The following PCDHGA2 variants were observed in gnomAD, a reference collection of about 807,000 sequenced individuals.
PCDHGA2 encodes the protein protocadherin gamma-A2.
A neutral mutation model predicts 59.2 loss-of-function variants in PCDHGA2; 40 were observed. That is an observed-to-expected ratio of 0.68 (90% CI 0.52 to 0.88). The LOEUF is 0.88. Ranked by LOEUF, PCDHGA2 falls within the 40% of genes least tolerant of loss-of-function variation. The probability of loss-of-function intolerance (pLI) is 0.00; values close to 1 mark genes in which losing one functional copy is unlikely to be tolerated. For missense variants in PCDHGA2, 1,226 were observed against 1,204.0 expected (o/e 1.02, Z -0.27); for synonymous variants, 560 against 526.0 (o/e 1.06, Z -0.89).
intron 1 of PCDHGA2, chr5:141,383,556 C>G: frequency 6.2e-7 from 1 of 1,612,766 alleles, no homozygotes; most frequent in Non-Finnish European, 8.5e-7. Flanking sequence ...ATGGCGGCGA[C>G]CCGCCCCGAT....
intron 1 of PCDHGA2, chr5:141,352,671 T>C: frequency 6.3e-7 from 1 of 1,579,386 alleles, no homozygotes; most frequent in Non-Finnish European, 8.6e-7. Context: ...TCTTCGCACG[T>C]GAGTTTCTGC....
chr5:141,464,260 G>A (rs546781463), intron 1 of PCDHGA2, among the ~76,000 whole-genome samples: 1 of 131,668 alleles, frequency 7.6e-6, no homozygotes, highest in Non-Finnish European at 1.6e-5. Flanking sequence ...GCGAGACTCC[G>A]TCTAAAAAAA....
chr5:141,386,400 A>G (rs1180278109), intron 1 of PCDHGA2, among the ~76,000 whole-genome samples: 1 of 152,176 alleles, frequency 6.6e-6, no homozygotes, highest in Non-Finnish European at 1.5e-5. Flanking sequence ...ACTTTTAGCC[A>G]GGTATGGTGT....
At chr5:141,356,780 A>T in intron 1 of PCDHGA2, 1 of 1,613,938 alleles carries the variant, frequency 6.2e-7, no homozygotes, top group Non-Finnish European at 8.5e-7. Flanking sequence ...CAGTTTAGAG[A>T]CCTGCAGCTG....
At position 141,370,360 on chromosome 5, in the gene PCDHGA2, C is replaced by T. The variant is rs775816151; in HGVS notation, c.2424+28965C>T. 2.2e-5 allele frequency: 34 copies of T among 1,516,792 alleles called. No homozygotes were observed. In the South Asian group the frequency reaches 4.3e-4, roughly 19 times the overall value. The allele number at this position is 1,516,792 out of a possible 1,614,324, so 94.0% of individuals were successfully genotyped here. Reference sequence around the variant, plus strand: ...TGGGATTATTTAAAGATCTCCTCTCCTCGGATTTAGAAAGGCAAAGGCGCA... The same window carrying T: ...TGGGATTATTTAAAGATCTCCTCTCTTCGGATTTAGAAAGGCAAAGGCGCA... On this transcript the variant is annotated intron_variant, in intron 1 of 3. Transcript: ENST00000394576.
At position 141,355,934 on chromosome 5, in the gene PCDHGA2, C is replaced by T. The variant is rs757693258; in HGVS notation, c.2424+14539C>T. The T allele has an allele frequency of 1.9e-6, 3 of 1,613,710 alleles. No individual in the cohort carries two copies. In the East Asian group the frequency reaches 6.7e-5, roughly 36 times the overall value. On this transcript the variant is annotated intron_variant, in intron 1 of 3. Transcript: ENST00000394576. Reference sequence around the variant, plus strand: ...GATAATGCTCCCGTGTTCACTCAGCCCGAGTACCACGTAAGTGTTCGTGAG... The same window carrying T: ...GATAATGCTCCCGTGTTCACTCAGCTCGAGTACCACGTAAGTGTTCGTGAG...
At chr5:141,496,581 C>T (rs868326584) in intron 2 of PCDHGA2, among the ~76,000 whole-genome samples, 9 of 152,134 alleles carry the variant, frequency 5.9e-5, no homozygotes, top group African/African-American at 1.9e-4. Flanking sequence ...ATTTTAGGAA[C>T]GCAAAGCGCT....
Position 141,341,316 on chromosome 5 carries a change from A to T in PCDHGA2, c.2345A>T (p.Gln782Leu), listed in dbSNP as rs1049083452. ...AACTATGCGGACACGCTCATCAGCC[A>T]GGAGAGCTGTGAGAAAAAGGATTTT... is the stretch of plus-strand genomic sequence containing the variant. ...QPNYADTLIS[Q>L]ESCEKKDFLS... Residue 782 changes from glutamine (Q) to leucine (L), a missense_variant, in exon 1 of 4, where the codon CAG (glutamine) becomes CTG (leucine). Transcript: ENST00000394576. The T allele has an allele frequency of 6.2e-7, 1 of 1,614,144 alleles. No individual in the cohort carries two copies. Among genetic ancestry groups the T allele is most frequent in the Non-Finnish European group, 8.5e-7 (1 of 1,180,056 alleles).
Position 141,511,231 on chromosome 5 carries a change from C to T in PCDHGA2, c.*58C>T. On this transcript the variant is annotated 3_prime_UTR_variant, in exon 4 of 4. Coordinates refer to ENST00000394576, the MANE Select transcript of PCDHGA2 (RefSeq NM_018915.4). ...CTCTCCCCAACCAGCCCAGCTTCTC[C>T]TTACCTGCACCCAGGCCTCAGAGTT... 2 of 1,595,900 alleles carry T rather than the reference C, an allele frequency of 1.3e-6. No individual in the cohort carries two copies. The highest frequency in any genetic ancestry group is 2.2e-5 in the South Asian group (2 of 88,992).
intron 1 of PCDHGA2, among the ~76,000 whole-genome samples, chr5:141,424,888 G>C (rs2096846233): frequency 6.6e-6 from 1 of 152,178 alleles, no homozygotes; most frequent in Non-Finnish European, 1.5e-5. Context: ...GACTTATCTA[G>C]GGTTTTTGAT....
chr5:141,353,252 T>A, intron 1 of PCDHGA2, among the ~76,000 whole-genome samples: 1 of 152,210 alleles, frequency 6.6e-6, no homozygotes, highest in East Asian at 1.9e-4. Context: ...CTTTTCTTAG[T>A]TGATATGCAA....
At chr5:141,505,780 G>A (rs1595982811) in intron 3 of PCDHGA2, among the ~76,000 whole-genome samples, 1 of 139,456 alleles carries the variant, frequency 7.2e-6, no homozygotes, top group Non-Finnish European at 1.6e-5. Flanking sequence ...TCCTAGCTCT[G>A]CTACTATCCT....
chr5:141,351,045 T>A, intron 1 of PCDHGA2: 1 of 1,614,090 alleles, frequency 6.2e-7, no homozygotes, highest in Non-Finnish European at 8.5e-7. Flanking sequence ...CTGCGGGTGA[T>A]GGCCACAGAC....
At chr5:141,355,508 T>C (rs1759881586) in intron 1 of PCDHGA2, 2 of 1,613,922 alleles carry the variant, frequency 1.2e-6, no homozygotes, top group Non-Finnish European at 1.7e-6. Flanking sequence ...CCAAACTGTG[T>C]GACAAACCTG....
intron 1 of PCDHGA2, chr5:141,374,356 C>T: frequency 1.2e-6 from 2 of 1,614,034 alleles, no homozygotes; most frequent in Non-Finnish European, 1.7e-6. Context: ...GTAGGATAGA[C>T]CGCGAGGAGC....
intron 1 of PCDHGA2, among the ~76,000 whole-genome samples, chr5:141,481,037 G>A (rs1438691746): frequency 2.0e-5 from 3 of 152,050 alleles, no homozygotes; most frequent in East Asian, 3.9e-4. Context: ...CAGCCTGGGC[G>A]ACAGAGCGAG....
chr5:141,438,789 G>C (rs970735448), intron 1 of PCDHGA2, among the ~76,000 whole-genome samples: 23 of 149,578 alleles, frequency 1.5e-4, no homozygotes, highest in African/African-American at 5.4e-4. Flanking sequence ...AGCCTCTCCA[G>C]TAGCTGGGAT....
At chr5:141,450,898 C>T (rs929869116) in intron 1 of PCDHGA2, among the ~76,000 whole-genome samples, 12 of 150,412 alleles carry the variant, frequency 8.0e-5, no homozygotes, top group African/African-American at 2.9e-4. Context: ...GATATCGGCT[C>T]ACTGCAACCG....
intron 1 of PCDHGA2, chr5:141,403,682 C>T (rs1456832899): frequency 1.3e-5 from 21 of 1,613,810 alleles, no homozygotes; most frequent in Non-Finnish European, 1.1e-5. Flanking sequence ...GGTTTTTGCT[C>T]AACGGATTTA....
Sources: gnomAD v4.1 joint callset for allele counts (sites outside exome capture counted in the v4.1 genomes callset) on GRCh38, gnomAD v4.1.1 for gene constraint, MANE v1.5 for transcripts, NCBI Gene and HGNC (gene_info 2026-07-23, HGNC 2026-07-21) for gene names.